Variants in SYT12 observed in about 807,000 individuals in gnomAD.
The protein encoded by SYT12 is synaptotagmin-12.
SYT12 carries 27 observed loss-of-function variants against 39.5 expected under a neutral mutation model. The ratio of observed to expected loss-of-function variants is 0.68; its 90% confidence interval spans 0.50 to 0.94. The LOEUF (loss-of-function observed/expected upper bound fraction) is 0.94. SYT12 is among the 40% of genes least tolerant of loss of function. The pLI, the probability that SYT12 is intolerant of heterozygous loss-of-function variation, is 0.00. For missense variants in SYT12, 536 were observed against 572.6 expected (o/e 0.94, Z 0.65); for synonymous variants, 233 against 239.7 (o/e 0.97, Z 0.26).
At chr11:67,029,065 C>G (rs527782657) in intron 1 of SYT12, 2 of 152,316 alleles carry the variant, frequency 1.3e-5, no homozygotes, top group South Asian at 4.1e-4. Context: ...ATTCCTTTTT[C>G]CAGGACTCCC....
chr11:67,012,232 G>A (rs887623651), intron 3 of SYT12, among the ~76,000 whole-genome samples: 18 of 151,940 alleles, frequency 1.2e-4, no homozygotes, highest in South Asian at 2.1e-4. Flanking sequence ...TTAGCCAGGC[G>A]TGGTGGTGTG....
At chr11:67,045,038 C>A (rs1427315097) in intron 6 of SYT12, among the ~76,000 whole-genome samples, 1 of 152,052 alleles carries the variant, frequency 6.6e-6, no homozygotes, top group Non-Finnish European at 1.5e-5. Flanking sequence ...AGGTGGGCAT[C>A]TGTTCCCTGG....
chr11:67,010,148 C>T (rs917769739), intron 2 of SYT12: 2 of 152,250 alleles, frequency 1.3e-5, no homozygotes, highest in Admixed American at 1.3e-4. Flanking sequence ...AACCATCTGA[C>T]CTTTGATTTC....
rs369748930 is a variant in SYT12 at position 67,045,847 on chromosome 11, G to A, written c.1062G>A (p.Met354Ile). 7 of 1,613,670 alleles carry A rather than the reference G, an allele frequency of 4.3e-6. No individual in the cohort carries two copies. Among genetic ancestry groups the A allele is most frequent in the Non-Finnish European group, 5.9e-6 (7 of 1,179,868 alleles). Residue 354 changes from methionine to isoleucine, a missense_variant, in exon 7 of 8, where the codon ATG (methionine) becomes ATA (isoleucine). Transcript: ENST00000527043. ...CCAACCCGGTGTTCAACGAAGCCATGATCTTCTCGGTGCCAGCCATTGTGC... is the reference window on the plus strand; with the variant it reads ...CCAACCCGGTGTTCAACGAAGCCATAATCTTCTCGGTGCCAGCCATTGTGC... ...DDPNPVFNEA[M>I]IFSVPAIVLQ...
At chr11:67,018,552 GTGGC>G (rs1488140209), upstream of SYT12, among the ~76,000 whole-genome samples, 1 of 152,088 alleles carries the variant, frequency 6.6e-6, no homozygotes, top group Non-Finnish European at 1.5e-5. Flanking sequence ...GCCGGGCGCG[GTGGC>G]TCAAGCCTGT....
chr11:67,021,735 A>G (rs534541248), upstream of SYT12: 8 of 152,174 alleles, frequency 5.3e-5, no homozygotes, highest in South Asian at 2.1e-4. Flanking sequence ...AATGGACTCA[A>G]ATGGACTCAA....
At chr11:67,031,511 G>T (rs894973996) in intron 2 of SYT12, 1 of 152,182 alleles carries the variant, frequency 6.6e-6, no homozygotes, top group Non-Finnish European at 1.5e-5. Flanking sequence ...GTTAATATAC[G>T]TGACGTGCTT....
At chr11:67,012,023 A>C (rs1271775254) in intron 3 of SYT12, among the ~76,000 whole-genome samples, 1 of 146,082 alleles carries the variant, frequency 6.8e-6, no homozygotes, top group Admixed American at 6.8e-5. Context: ...TCGGCCTCCC[A>C]AAGTGCTGGG....
At chr11:67,040,505 G>A (rs970895419) in intron 4 of SYT12, among the ~76,000 whole-genome samples, 1 of 152,212 alleles carries the variant, frequency 6.6e-6, no homozygotes, top group Non-Finnish European at 1.5e-5. Flanking sequence ...CGGCAGAAAA[G>A]GGATGACATG....
chr11:67,036,360 A>G (rs1305656628), intron 3 of SYT12, among the ~76,000 whole-genome samples: 1 of 152,184 alleles, frequency 6.6e-6, no homozygotes, highest in African/African-American at 2.4e-5. Flanking sequence ...AATGCAGTGG[A>G]TGTTCTGTAG....
At chr11:67,038,360 T>C (rs1315839108) in intron 3 of SYT12, among the ~76,000 whole-genome samples, 1 of 151,872 alleles carries the variant, frequency 6.6e-6, no homozygotes, top group Non-Finnish European at 1.5e-5. Flanking sequence ...AGAGACGGTT[T>C]CACCATGTTG....
chr11:67,035,447 C>A (rs1334603831), intron 3 of SYT12, among the ~76,000 whole-genome samples: 6 of 120,078 alleles, frequency 5.0e-5, no homozygotes. Flanking sequence ...TTTTCTTTTT[C>A]TTTTTCTTTT....
At position 67,049,556 on chromosome 11, in the gene SYT12, C is replaced by G. The variant is rs966369214; in HGVS notation, c.*799C>G. On this transcript the variant is annotated 3_prime_UTR_variant, in exon 8 of 8. Coordinates refer to ENST00000527043, the MANE Select transcript of SYT12 (RefSeq NM_177963.4). ...ACCCAGGTCCTTGTGCTCAGTCCTG[C>G]GCAAACCAGGCCCAGACCCTGCAAG... 2.0e-5 allele frequency: 3 copies of G among 152,332 alleles called. No individual in the cohort carries two copies. Among genetic ancestry groups the G allele is most frequent in the African/African-American group, 7.2e-5 (3 of 41,450 alleles). 9.4% of individuals were successfully genotyped at this position (152,332 alleles called of 1,614,324 possible). A position where few individuals can be genotyped will look rare whatever the true frequency, so the allele number is the denominator to read the frequency against.
At chr11:67,041,285 A>G (rs1156485617) in intron 4 of SYT12, among the ~76,000 whole-genome samples, 1 of 152,036 alleles carries the variant, frequency 6.6e-6, no homozygotes, top group Non-Finnish European at 1.5e-5. Flanking sequence ...CAGCCTGGCC[A>G]ATATGGTGAA....
At position 67,044,607 on chromosome 11, in the gene SYT12, G is replaced by C. The variant is rs200935538; in HGVS notation, c.852G>C (p.Val284=). ...CTGTCCCCCAGGCCGCCGATGCTGT[G>C]GGGGAGATCCTGCTCTCCCTCAGCT... ...LQDQNKAADA[V]GEILLSLSYL... Residue 284 remains valine, a synonymous_variant, in exon 6 of 8, where the codon GTG becomes GTC. Transcript: ENST00000527043. The C allele has an allele frequency of 3.7e-6, 6 of 1,613,098 alleles. No homozygotes were observed. Among genetic ancestry groups the C allele is most frequent in the Non-Finnish European group, 5.1e-6 (6 of 1,179,862 alleles).
intron 3 of SYT12, among the ~76,000 whole-genome samples, chr11:67,039,057 A>G (rs1186957412): frequency 1.3e-5 from 2 of 151,568 alleles, no homozygotes; most frequent in South Asian, 2.1e-4. Flanking sequence ...TAATCCCAGC[A>G]CTTTGGGAGG....
At chr11:67,046,363 G>T (rs1165975301) in intron 7 of SYT12, among the ~76,000 whole-genome samples, 1 of 152,234 alleles carries the variant, frequency 6.6e-6, no homozygotes. Context: ...CACGGGTGGG[G>T]CTTGAAGATA....
intron 3 of SYT12, among the ~76,000 whole-genome samples, chr11:67,014,552 C>T (rs377443217): frequency 5.3e-5 from 8 of 152,294 alleles, no homozygotes; most frequent in African/African-American, 1.2e-4. Context: ...GCACTGAGGC[C>T]GGTCTGTGAG....
chr11:67,021,951 T>C (rs1379149903), upstream of SYT12: 1 of 122,640 alleles, frequency 8.2e-6, no homozygotes, highest in African/African-American at 3.9e-5. Flanking sequence ...CTTTTTCTTT[T>C]CTTTTTTTTT....
Sources: gnomAD v4.1 joint callset for allele counts (sites outside exome capture counted in the v4.1 genomes callset) on GRCh38, gnomAD v4.1.1 for gene constraint, MANE v1.5 for transcripts, NCBI Gene and HGNC (gene_info 2026-07-23, HGNC 2026-07-21) for gene names.